Variants in KIF13B observed in about 807,000 individuals in gnomAD.
KIF13B encodes the protein kinesin family member 13B, also known as kinesin-like protein KIF13B.
KIF13B carries 127 observed loss-of-function variants against 222.0 expected under a neutral mutation model. That is an observed-to-expected ratio of 0.57 (90% CI 0.50 to 0.66). KIF13B has a LOEUF of 0.66. KIF13B is among the 30% of genes least tolerant of loss of function. The probability of loss-of-function intolerance (pLI) is 0.00; values close to 1 mark genes in which losing one functional copy is unlikely to be tolerated. For missense variants in KIF13B, 2,173 were observed against 2,379.0 expected (o/e 0.91, Z 1.80); for synonymous variants, 976 against 919.0 (o/e 1.06, Z -1.12).
intron 35 of KIF13B, among the ~76,000 whole-genome samples, chr8:29,107,477 G>A (rs1036867200): frequency 3.9e-5 from 6 of 151,960 alleles, no homozygotes; most frequent in South Asian, 2.1e-4. Flanking sequence ...GTAGTAAGCC[G>A]AGATCGCGTC....
In KIF13B at chr8:29,071,596, G is replaced by C. The variant is rs777023252; in HGVS notation, c.5218+24C>G. On this transcript the variant is annotated intron_variant, in intron 39 of 39. Coordinates refer to ENST00000524189, the MANE Select transcript of KIF13B (RefSeq NM_015254.4). This position sits in a 1 kb window ranked among gnomAD's most constrained non-coding sequence, Gnocchi z 4.9. ...TCCCCAGACCCCCGGCACCACCCTG[G>C]AGCCCGGAGTGCCCGGTACCCACCT... The C allele has an allele frequency of 6.5e-5, 100 of 1,539,336 alleles. No individual in the cohort carries two copies. Among genetic ancestry groups the C allele is most frequent in the Non-Finnish European group, 8.3e-5 (95 of 1,141,632 alleles).
intron 2 of KIF13B, among the ~76,000 whole-genome samples, chr8:29,222,351 C>G (rs1458370536): frequency 6.6e-6 from 1 of 151,810 alleles, no homozygotes; most frequent in Non-Finnish European, 1.5e-5. Flanking sequence ...AGCAAGACCC[C>G]GTCTCAAAAA....
chr8:29,114,839 G>A (rs954886760), intron 31 of KIF13B, among the ~76,000 whole-genome samples: 2 of 152,180 alleles, frequency 1.3e-5, no homozygotes, highest in Non-Finnish European at 2.9e-5. Flanking sequence ...GCCGGTGGTT[G>A]TGCCAGGTCA....
chr8:29,140,511 A>G lies in KIF13B; in HGVS notation c.2441T>C (p.Val814Ala). ...GATGGGAACAGCGTATTGTAACTTC[A>G]CATCATAGAAAAGTGACTCGAGGAA... ...NVFLESLFYDVKLQYAVPIIN... is the reference protein window; with the variant it reads ...NVFLESLFYDAKLQYAVPIIN... Residue 814 changes from valine (V) to alanine (A), a missense_variant, in exon 20 of 40, where the codon GTG becomes GCG. Val to Ala is a moderately conservative substitution (Grantham distance 64). Coordinates refer to ENST00000524189, the MANE Select transcript of KIF13B (RefSeq NM_015254.4). 13 of 1,613,974 alleles carry G rather than the reference A, an allele frequency of 8.1e-6. No individual in the cohort carries two copies. The highest frequency in any genetic ancestry group is 1.0e-5 in the Non-Finnish European group (12 of 1,179,864).
intron 1 of KIF13B, 129 bp downstream of exon 1, chr8:29,262,851 G>C: frequency 1.6e-6 from 1 of 643,008 alleles, no homozygotes; most frequent in Non-Finnish European, 2.5e-6. Context: ...CAGGGTCCCC[G>C]GGCCCCTCCT....
chr8:29,246,356 G>C (rs1816022290), intron 1 of KIF13B, among the ~76,000 whole-genome samples: 1 of 150,896 alleles, frequency 6.6e-6, no homozygotes, highest in Non-Finnish European at 1.5e-5. Flanking sequence ...CAGCCTGGGA[G>C]ACAAGAGCAA....
Position 29,147,444 on chromosome 8 carries a change from A to G in KIF13B, c.1972T>C (p.Ser658Pro), listed in dbSNP as rs767089325. The G allele has an allele frequency of 6.2e-7, 1 of 1,612,350 alleles. No individual in the cohort carries two copies. Among genetic ancestry groups the G allele is most frequent in the African/African-American group, 1.3e-5 (1 of 75,036 alleles). ...KQNCRSMDRF[S>P]FHSPSAQQRL... is the part of the protein sequence containing the mutation. ...TGCTGAGCGCTGGGCGAGTGGAAAG[A>G]AAACCTGTCCATGCTCCGGCAGTTC... The change falls in exon 17 of 40, where the codon TCT becomes CCT. Residue 658 changes from serine to proline, a missense_variant. This residue lies in a region of KIF13B where 1,480 missense variants were observed against 1,722.8 expected (regional missense o/e 0.86). Coordinates refer to ENST00000524189, the MANE Select transcript of KIF13B (RefSeq NM_015254.4).
intron 14 of KIF13B, among the ~76,000 whole-genome samples, chr8:29,154,555 C>T (rs978157231): frequency 1.3e-5 from 2 of 152,176 alleles, no homozygotes; most frequent in Admixed American, 1.3e-4. Flanking sequence ...GGGTATTTCA[C>T]AAAATCGTAT....
chr8:29,170,979 G>C (rs1241186509), intron 10 of KIF13B, among the ~76,000 whole-genome samples: 1 of 152,178 alleles, frequency 6.6e-6, no homozygotes, highest in African/African-American at 2.4e-5. Context: ...TGAAAAGACT[G>C]AAGGTTAAAA....
At chr8:29,126,828 G>T (rs1286738943) in intron 25 of KIF13B, among the ~76,000 whole-genome samples, 1 of 152,140 alleles carries the variant, frequency 6.6e-6, no homozygotes, top group African/African-American at 2.4e-5. Context: ...CCAGTAGGGG[G>T]TTTCTCCAGA....
intron 2 of KIF13B, among the ~76,000 whole-genome samples, chr8:29,242,512 G>C (rs886327170): frequency 6.6e-6 from 1 of 152,200 alleles, no homozygotes; most frequent in African/African-American, 2.4e-5. Flanking sequence ...AACCGATCTA[G>C]AAAACTAATT....
At chr8:29,141,262 A>G in intron 19 of KIF13B, among the ~76,000 whole-genome samples, 1 of 151,792 alleles carries the variant, frequency 6.6e-6, no homozygotes, top group Middle Eastern at 3.2e-3. Flanking sequence ...TGAACCCAGG[A>G]GGCAGAGGAG....
intron 21 of KIF13B, among the ~76,000 whole-genome samples, chr8:29,135,085 C>T (rs1008945913): frequency 6.6e-6 from 1 of 152,142 alleles, no homozygotes; most frequent in African/African-American, 2.4e-5. Flanking sequence ...TGCTGTGTTG[C>T]CCAGGCTGGA....
At chr8:29,220,017 T>C (rs940910510) in intron 2 of KIF13B, among the ~76,000 whole-genome samples, 1 of 152,110 alleles carries the variant, frequency 6.6e-6, no homozygotes, top group Non-Finnish European at 1.5e-5. Context: ...TGAGCCGAGA[T>C]CATGCCACTG....
chr8:29,123,322 T>C (rs1475196110), intron 28 of KIF13B, 44 bp downstream of exon 28: 1 of 1,600,782 alleles, frequency 6.2e-7, no homozygotes, highest in Non-Finnish European at 8.5e-7. Flanking sequence ...GCAAGTGGCT[T>C]GGTGAGCGTT....
rs924104703 is a variant in KIF13B, at chr8:29,071,561, C to A, written c.5218+59G>T. On this transcript the variant is annotated intron_variant, in intron 39 of 39. Coordinates refer to ENST00000524189, the MANE Select transcript of KIF13B (RefSeq NM_015254.4). The surrounding 1 kb of genome is among the most constrained non-coding windows in gnomAD (Gnocchi z 4.9). ...ACCCTGTCCCCTCCCAGGCCGGCCA[C>A]GTTCCTGCTTCCCCAGACCCCCGGC... The A allele has an allele frequency of 3.0e-5, 43 of 1,455,694 alleles. No individual in the cohort carries two copies. Among genetic ancestry groups the A allele is most frequent in the African/African-American group, 1.1e-4 (8 of 71,350 alleles). The allele number at this position is 1,455,694 out of a possible 1,614,324, so 90.2% of individuals were successfully genotyped here.
intron 2 of KIF13B, among the ~76,000 whole-genome samples, chr8:29,203,064 G>A (rs6989058): frequency 0.62 from 94,036 of 151,964 alleles, 30,604 homozygotes; most frequent in Non-Finnish European, 0.74. Flanking sequence ...GGACCACTCG[G>A]TTTGTCTCAT....
intron 21 of KIF13B, among the ~76,000 whole-genome samples, chr8:29,135,149 T>C (rs1419117454): frequency 6.6e-6 from 1 of 152,124 alleles, no homozygotes; most frequent in Non-Finnish European, 1.5e-5. Flanking sequence ...GTTCAAGCGA[T>C]CCTCCAGCCT....
chr8:29,218,687 A>G (rs1814603548), intron 2 of KIF13B, among the ~76,000 whole-genome samples: 2 of 152,234 alleles, frequency 1.3e-5, no homozygotes, highest in South Asian at 4.1e-4. Context: ...AAACTGCAGA[A>G]AAAACAAAAA....
Sources: allele counts gnomAD v4.1 joint callset (sites outside exome capture counted in the v4.1 genomes callset), GRCh38; gene constraint gnomAD v4.1.1; regional missense constraint gnomAD v4.1.1; non-coding constraint Gnocchi (gnomAD v3.1); transcripts MANE v1.5; gene names NCBI Gene and HGNC (gene_info 2026-07-23, HGNC 2026-07-21).